The following ADGRL2 variants were observed in gnomAD, a reference collection of about 807,000 sequenced individuals.
ADGRL2 encodes adhesion G protein-coupled receptor L2, also known as calcium-independent alpha-latrotoxin receptor 2.
Under a neutral mutation model 157.4 loss-of-function variants are expected in ADGRL2, and 44 were observed. That is an observed-to-expected ratio of 0.28 (90% CI 0.22 to 0.36). The LOEUF is 0.36. Ranked by LOEUF, ADGRL2 falls within the 10% of genes least tolerant of loss-of-function variation. The pLI is 1.00. For synonymous variants in ADGRL2, 585 were observed against 624.7 expected, an observed-to-expected ratio of 0.94 and a Z score of 0.95; for missense variants, 1,510 against 1,768.9, an observed-to-expected ratio of 0.85 and a Z score of 2.63.
At chr1:81,632,697 CGCAGTGAGCCGAG>C (rs896965043) in intron 3 of ADGRL2, among the ~76,000 whole-genome samples, 5 of 150,740 alleles carry the variant, frequency 3.3e-5, no homozygotes, top group Non-Finnish European at 4.4e-5. Flanking sequence ...AGGCGGAGCT[CGCAGTGAGCCGAG>C]ATCGTGCCAC....
chr1:81,466,169 A>T (rs2078048076), intron 2 of ADGRL2, among the ~76,000 whole-genome samples: 1 of 152,220 alleles, frequency 6.6e-6, no homozygotes, highest in Non-Finnish European at 1.5e-5. Context: ...ACATGGCCTA[A>T]GCCCACTGTC....
chr1:81,337,878 T>G (rs554322965), intron 1 of ADGRL2, among the ~76,000 whole-genome samples: 1 of 152,324 alleles, frequency 6.6e-6, no homozygotes, highest in African/African-American at 2.4e-5. Context: ...GCTGAAGCCT[T>G]CAGTCAAATA....
chr1:81,590,401 C>T (rs1465809717), intron 3 of ADGRL2, among the ~76,000 whole-genome samples: 1 of 152,090 alleles, frequency 6.6e-6, no homozygotes, highest in African/African-American at 2.4e-5. Flanking sequence ...CCCACGCCCA[C>T]CCACACAGCA....
chr1:81,507,214 C>T (rs1205821832), intron 2 of ADGRL2, among the ~76,000 whole-genome samples: 1 of 151,886 alleles, frequency 6.6e-6, no homozygotes, highest in African/African-American at 2.4e-5. Flanking sequence ...GCTGGAGGAC[C>T]AATGGAAGCC....
chr1:81,561,226 C>T (rs546333439), intron 2 of ADGRL2, among the ~76,000 whole-genome samples: 1 of 152,046 alleles, frequency 6.6e-6, no homozygotes, highest in African/African-American at 2.4e-5. Flanking sequence ...TGTCTCTCTC[C>T]GTTTATCTGA....
chr1:81,695,087 A>G (rs2083415898), upstream of ADGRL2, among the ~76,000 whole-genome samples: 1 of 152,108 alleles, frequency 6.6e-6, no homozygotes, highest in Non-Finnish European at 1.5e-5. Context: ...GGTTATTCCT[A>G]TAAAATTCAG....
chr1:81,545,473 G>C (rs2079993085), intron 2 of ADGRL2, among the ~76,000 whole-genome samples: 1 of 151,846 alleles, frequency 6.6e-6, no homozygotes, highest in South Asian at 2.1e-4. Context: ...TAGAGACAGG[G>C]TTTCACCACG....
At chr1:81,816,780 G>T (rs2090444903) in intron 1 of ADGRL2, among the ~76,000 whole-genome samples, 1 of 151,872 alleles carries the variant, frequency 6.6e-6, no homozygotes, top group African/African-American at 2.4e-5. Context: ...ACCTACAAAT[G>T]CTCTTTTTAT....
intron 3 of ADGRL2, among the ~76,000 whole-genome samples, chr1:81,598,798 G>GT (rs1237187146): frequency 6.6e-6 from 1 of 152,226 alleles, no homozygotes; most frequent in Non-Finnish European, 1.5e-5. Context: ...GCATACAGAT[G>GT]TGAAGGTATT....
In ADGRL2 at chr1:81,323,133, C is replaced by A. The variant is rs150379641; in HGVS notation, c.-302+16624C>A. On this transcript the variant is annotated intron_variant, in intron 1 of 24. Coordinates refer to the ADGRL2 transcript ENST00000370721. ...TTGGCCTCCCAAAATGCTGGGATTACAGGTGTGAGCCACCGTGCCCGGCCT... is the reference window on the plus strand; with the variant it reads ...TTGGCCTCCCAAAATGCTGGGATTAAAGGTGTGAGCCACCGTGCCCGGCCT... 2.9e-3 allele frequency among the ~76,000 whole-genome samples: 446 copies of A among 152,096 alleles called. 6 individuals are homozygous for A. The highest frequency in any genetic ancestry group is 9.3e-3 in the African/African-American group (385 of 41,476).
At chr1:81,966,218 T>G (rs1259544498) in intron 12 of ADGRL2, 35 bp downstream of exon 12, 1 of 1,613,194 alleles carries the variant, frequency 6.2e-7, no homozygotes, top group Non-Finnish European at 8.5e-7. Flanking sequence ...TGACAGTTTT[T>G]GTTGTTGTTC....
chr1:81,831,871 T>G (rs1557731854), intron 1 of ADGRL2, among the ~76,000 whole-genome samples: 1 of 152,138 alleles, frequency 6.6e-6, no homozygotes, highest in African/African-American at 2.4e-5. Flanking sequence ...TGGTGAATAG[T>G]GGAAAGAATG....
rs1174127192 is a variant in ADGRL2 at position 81,383,935 on chromosome 1, C to T, written c.-301-61101C>T. ...CACCACTGCACTCCAGCCTGGGCAA[C>T]AGAGCAAGACTCTGTCTCAAAAAAA... On this transcript the variant is annotated intron_variant, in intron 1 of 24. Transcript: ENST00000370721. 6.9e-5 allele frequency among the ~76,000 whole-genome samples: 9 copies of T among 130,480 alleles called. No homozygotes were observed. In the East Asian group the frequency reaches 1.5e-3, roughly 22 times the overall value. The allele number at this position is 130,480 out of a possible 152,430, so 85.6% of individuals were successfully genotyped here.
At chr1:81,903,875 T>G (rs938968740) in intron 2 of ADGRL2, among the ~76,000 whole-genome samples, 1 of 148,308 alleles carries the variant, frequency 6.7e-6, no homozygotes, top group African/African-American at 2.5e-5. Context: ...AGACTTTAGA[T>G]AAGAGAAATG....
At chr1:81,781,470 C>T (rs2086809518) in intron 2 of ADGRL2, among the ~76,000 whole-genome samples, 1 of 152,134 alleles carries the variant, frequency 6.6e-6, no homozygotes, top group South Asian at 2.1e-4. Context: ...AGATCTGTAG[C>T]TAAACAGAAT....
At chr1:81,834,188 C>G (rs924065030) in intron 1 of ADGRL2, among the ~76,000 whole-genome samples, 22 of 152,248 alleles carry the variant, frequency 1.4e-4, no homozygotes, top group African/African-American at 5.3e-4. Flanking sequence ...GTTCCTCCCC[C>G]ACTTCATCCT....
chr1:81,641,249 T>C (rs1268688892), intron 3 of ADGRL2, among the ~76,000 whole-genome samples: 1 of 152,196 alleles, frequency 6.6e-6, no homozygotes, highest in Non-Finnish European at 1.5e-5. Context: ...GTATATGAAA[T>C]GGACACATCC....
At chr1:81,793,059 AG>A (rs1437703911) in intron 2 of ADGRL2, among the ~76,000 whole-genome samples, 1 of 152,098 alleles carries the variant, frequency 6.6e-6, no homozygotes, top group Non-Finnish European at 1.5e-5. Flanking sequence ...TTATATAACA[AG>A]ACCTTACGAC....
chr1:81,750,270 A>G (rs1289079141), intron 1 of ADGRL2, among the ~76,000 whole-genome samples: 1 of 152,230 alleles, frequency 6.6e-6, no homozygotes, highest in Non-Finnish European at 1.5e-5. Context: ...TCAGAGCTCA[A>G]ATAGGCTGAG....
Sources: gnomAD v4.1 joint callset for allele counts (sites outside exome capture counted in the v4.1 genomes callset) on GRCh38, gnomAD v4.1.1 for gene constraint, MANE v1.5 for transcripts, NCBI Gene and HGNC (gene_info 2026-07-23, HGNC 2026-07-21) for gene names.